The following LRRC37B variants were observed in gnomAD, a reference collection of about 807,000 sequenced individuals.
LRRC37B encodes the protein leucine rich repeat containing 37B.
A neutral mutation model predicts 98.3 loss-of-function variants in LRRC37B; 28 were observed. That is an observed-to-expected ratio of 0.28 (90% confidence interval 0.21 to 0.39). LRRC37B has a LOEUF of 0.39. Among genes scored for constraint, LRRC37B ranks in the 10% least tolerant of loss-of-function variants. The pLI, the probability that LRRC37B is intolerant of heterozygous loss-of-function variation, is 1.00. For missense variants in LRRC37B, 938 were observed against 1,182.7 expected (o/e 0.79, Z 3.03); for synonymous variants, 364 against 442.7 (o/e 0.82, Z 2.23).
intron 11 of LRRC37B, chr17:32,051,256 C>G (rs1330941236): frequency 1.3e-5 from 2 of 152,348 alleles, no homozygotes; most frequent in Non-Finnish European, 2.9e-5. Context: ...CCAAGGCAGG[C>G]AGATCACAAG....
At chr17:32,023,027 G>T (rs1007495256) in intron 1 of LRRC37B, among the ~76,000 whole-genome samples, 1 of 151,470 alleles carries the variant, frequency 6.6e-6, no homozygotes, top group South Asian at 2.1e-4. Context: ...TTTTTCTCCA[G>T]TCTTTTACTC....
Position 32,035,581 on chromosome 17 carries a change from C to T in LRRC37B, c.2146C>T (p.His716Tyr), listed in dbSNP as rs750849199. 9.9e-6 allele frequency: 16 copies of T among 1,612,382 alleles called. No homozygotes were observed. The highest frequency in any genetic ancestry group is 1.3e-5 in the Non-Finnish European group (15 of 1,179,052). The change falls in exon 7 of 12, where the codon CAC becomes TAC. Residue 716 changes from histidine (H) to tyrosine (Y), a missense_variant. Around this residue, in one of 2 missense-constraint regions of LRRC37B, gnomAD observed 328 missense variants for 557.0 expected, o/e 0.59. Coordinates refer to ENST00000327564, the Ensembl canonical transcript of LRRC37B. ...CTTCTTCAGAGACATGGGAACAACA[C>T]ACATCACACTTACAACACTTAAGAA...
At chr17:32,036,407 A>G (rs1245829849) in intron 7 of LRRC37B, 1 of 152,176 alleles carries the variant, frequency 6.6e-6, no homozygotes, top group Non-Finnish European at 1.5e-5. Flanking sequence ...CTAACCATGG[A>G]TGGAGAATAT....
chr17:32,033,730 G>A (rs1220610729), intron 5 of LRRC37B, among the ~76,000 whole-genome samples: 1 of 152,086 alleles, frequency 6.6e-6, no homozygotes, highest in Non-Finnish European at 1.5e-5. Context: ...AACCTAAAGC[G>A]TGATTTTCTT....
chr17:32,041,387 T>C (rs777181197), intron 7 of LRRC37B: 5 of 750,980 alleles, frequency 6.7e-6, no homozygotes, highest in East Asian at 2.5e-5. Context: ...CTGAGAACCA[T>C]GGGGAGCTGG....
chr17:32,015,758 T>C (rs767977742), intron 1 of LRRC37B, among the ~76,000 whole-genome samples: 6 of 152,198 alleles, frequency 3.9e-5, no homozygotes, highest in Non-Finnish European at 7.3e-5. Context: ...AAATATTGTT[T>C]TAGTTACTAC....
chr17:32,027,805 G>A (rs1436671057), exon 3 of LRRC37B: 2 of 1,607,444 alleles, frequency 1.2e-6, no homozygotes, highest in South Asian at 2.2e-5. Flanking sequence ...AATTACCTAA[G>A]GATTCATTTG....
At position 32,021,304 on chromosome 17, in the gene LRRC37B, C is replaced by T. The variant is rs1391418138; in HGVS notation, c.239C>T (p.Ser80Phe). 69 of 1,613,584 alleles carry T rather than the reference C, an allele frequency of 4.3e-5. No individual in the cohort carries two copies. Among genetic ancestry groups the T allele is most frequent in the Non-Finnish European group, 5.7e-5 (67 of 1,179,958 alleles). Residue 80 changes from serine to phenylalanine, a missense_variant, in exon 1 of 12, where the codon TCC (serine) becomes TTC (phenylalanine). This residue lies in a region of LRRC37B where 610 missense variants were observed against 625.6 expected (regional missense o/e 0.98). Transcript: ENST00000327564. ...CCTGAGCCCTGGTCTTCCCGCTCCT[C>T]CCATCTCCCATGGGAATCTCCCCAT...
Position 32,038,585 on chromosome 17 carries a change from A to G in LRRC37B, c.2204+2946A>G, listed in dbSNP as rs565003446. ...TTAAAAGTGTTCTCTGGCTGGGCAT[A>G]GTGACTCACACCTGTAATCACAGCA... On this transcript the variant is annotated intron_variant, in intron 7 of 11. Coordinates refer to ENST00000327564, the Ensembl canonical transcript of LRRC37B. 3.3e-5 allele frequency among the ~76,000 whole-genome samples: 5 copies of G among 152,334 alleles called. No homozygotes were observed. The South Asian group carries it at 1.0e-3, about 32-fold the overall frequency.
intron 6 of LRRC37B, 72 bp downstream of exon 9, chr17:32,035,053 A>G: frequency 8.7e-7 from 1 of 1,152,668 alleles, no homozygotes; most frequent in South Asian, 1.4e-5. Flanking sequence ...AAGATAAAGT[A>G]TTTTGCATTT....
At chr17:32,022,586 T>C in exon 1 of LRRC37B, 1 of 1,614,016 alleles carries the variant, frequency 6.2e-7, no homozygotes. Flanking sequence ...AGGTTCAGAC[T>C]CTGCATCGAA....
chr17:32,041,833 C>T, intron 7 of LRRC37B: 1 of 459,162 alleles, frequency 2.2e-6, no homozygotes, highest in South Asian at 1.5e-5. Flanking sequence ...CGGGGCAACA[C>T]TAAGGTGCTC....
chr17:32,007,733 G>A (rs1910442100), upstream of LRRC37B: 7 of 1,193,688 alleles, frequency 5.9e-6, no homozygotes, highest in Non-Finnish European at 7.3e-6. This position sits in a 1 kb window ranked among gnomAD's most constrained non-coding sequence, Gnocchi z 4.1. Context: ...CCGATACGCG[G>A]TAGTAGCCGG....
At chr17:32,020,549 T>C, upstream of LRRC37B, 3 of 574,646 alleles carry the variant, frequency 5.2e-6, no homozygotes, top group Non-Finnish European at 6.6e-6. Context: ...AAATCTGGAG[T>C]CCTCGCTTAT....
At chr17:32,026,999 G>A (rs543817005) in intron 2 of LRRC37B, among the ~76,000 whole-genome samples, 1 of 152,056 alleles carries the variant, frequency 6.6e-6, no homozygotes, top group East Asian at 1.9e-4. Flanking sequence ...AGACCAGTGT[G>A]GGTAACAGAA....
rs8068145 is a variant in LRRC37B, at chr17:32,022,622, T to A, written c.1557T>A (p.Pro519=). ...GCCTGACTGAAGTCACAGGTCCACC[T>A]ACAAAGTTAGAATCTTCGCAGGATT... Residue 519 remains proline, a synonymous_variant, in exon 1 of 12, where the codon CCT becomes CCA. Transcript: ENST00000327564. 2.2e-3 allele frequency: 3,629 copies of A among 1,613,988 alleles called. 50 individuals are homozygous for A. The African/African-American group carries it at 0.038, about 17-fold the overall frequency.
At chr17:32,014,671 A>G (rs1910611367) in intron 1 of LRRC37B, among the ~76,000 whole-genome samples, 1 of 152,164 alleles carries the variant, frequency 6.6e-6, no homozygotes. Context: ...CACAAGTTAG[A>G]ACCCTGGTGA....
intron 11 of LRRC37B, chr17:32,052,737 G>T (rs1298469883): frequency 1.3e-5 from 2 of 152,240 alleles, no homozygotes; most frequent in Non-Finnish European, 2.9e-5. Flanking sequence ...CAACACTTTG[G>T]GAGGCCAACC....
In LRRC37B at chr17:32,026,515, A is replaced by ACCTCC. The variant is rs1377739334; in HGVS notation, c.1833-1252_1833-1248dup. On this transcript the variant is annotated intron_variant, in intron 2 of 11. Transcript: ENST00000327564. ...GCGATCTTGGCTCACTGCAAGTTCC[A>ACCTCC]CCTCCCGGGTTCAAGGGATTCTCCT... Among the ~76,000 whole-genome samples, 4 of 151,770 alleles carry ACCTCC rather than the reference A, an allele frequency of 2.6e-5. No individual in the cohort carries two copies. In the South Asian group the frequency reaches 6.3e-4, roughly 24 times the overall value.
Sources: allele counts gnomAD v4.1 joint callset (sites outside exome capture counted in the v4.1 genomes callset), GRCh38; gene constraint gnomAD v4.1.1; regional missense constraint gnomAD v4.1.1; non-coding constraint Gnocchi (gnomAD v3.1); transcripts MANE v1.5; gene names NCBI Gene and HGNC (gene_info 2026-07-23, HGNC 2026-07-21).